BCKDHB: variants seen among roughly 807,000 people sequenced by gnomAD.
BCKDHB encodes 2-oxoisovalerate dehydrogenase subunit beta, mitochondrial.
In BCKDHB, 41 loss-of-function variants were observed where a neutral mutation model predicts 48.5. The ratio of observed to expected loss-of-function variants is 0.85; its 90% CI spans 0.66 to 1.10. The LOEUF (loss-of-function observed/expected upper bound fraction) is 1.10, where lower values mean the gene tolerates loss of function less well. BCKDHB is among the 50% of genes least tolerant of loss of function. The pLI, the probability that BCKDHB is intolerant of heterozygous loss-of-function variation, is 0.00. For missense variants in BCKDHB, 496 were observed against 494.2 expected (o/e 1.00, Z -0.03); for synonymous variants, 201 against 174.8 (o/e 1.15, Z -1.18).
At chr6:80,451,046 T>A in the BCKDHB span, among the ~76,000 whole-genome samples, 2 of 152,146 alleles carry the variant, frequency 1.3e-5, no homozygotes, top group African/African-American at 2.4e-5. Context: ...TTTAGAGACT[T>A]CTTGTAGCCA....
chr6:80,158,271 A>C (rs944256086), intron 3 of BCKDHB, among the ~76,000 whole-genome samples: 1 of 152,194 alleles, frequency 6.6e-6, no homozygotes, highest in African/African-American at 2.4e-5. Flanking sequence ...TACTAAGCAC[A>C]TACATTTGTT....
At chr6:80,184,783 A>G (rs1373070401) in intron 6 of BCKDHB, among the ~76,000 whole-genome samples, 1 of 152,168 alleles carries the variant, frequency 6.6e-6, no homozygotes, top group Non-Finnish European at 1.5e-5. Flanking sequence ...CTTGGCTTGT[A>G]GGGTTTCTGC....
chr6:80,358,148 A>T, the BCKDHB span, among the ~76,000 whole-genome samples: 11 of 151,416 alleles, frequency 7.3e-5, no homozygotes, highest in African/African-American at 2.7e-4. Context: ...ACTTTTTGGG[A>T]TATTTCCTTA....
the BCKDHB span, among the ~76,000 whole-genome samples, chr6:80,428,443 C>T: frequency 6.6e-6 from 1 of 152,144 alleles, no homozygotes; most frequent in Non-Finnish European, 1.5e-5. Context: ...TGAGGAGTTG[C>T]CATGCTGTCT....
intron 6 of BCKDHB, among the ~76,000 whole-genome samples, chr6:80,197,183 C>G (rs1205230368): frequency 6.6e-6 from 1 of 152,130 alleles, no homozygotes; most frequent in Non-Finnish European, 1.5e-5. Flanking sequence ...GGTAGGAATG[C>G]AACAAAGCTA....
chr6:80,267,459 G>A (rs1056021990), intron 8 of BCKDHB, among the ~76,000 whole-genome samples: 4 of 152,040 alleles, frequency 2.6e-5, no homozygotes, highest in African/African-American at 7.2e-5. Context: ...AGCTGGTTGC[G>A]GGGACCAGGG....
intron 3 of BCKDHB, among the ~76,000 whole-genome samples, chr6:80,149,710 C>T (rs542788395): frequency 0.031 from 4,611 of 150,832 alleles, 247 homozygotes; most frequent in African/African-American, 0.11. Context: ...TCATCATTCT[C>T]AGTAAACTAT....
chr6:80,279,391 A>G (rs867992176), intron 9 of BCKDHB, among the ~76,000 whole-genome samples: 15 of 152,136 alleles, frequency 9.9e-5, no homozygotes, highest in African/African-American at 3.6e-4. Flanking sequence ...CCTGACCTCA[A>G]GTGATCCTCC....
chr6:80,205,794 GTGTGTGTGT>G (rs1774620402), intron 8 of BCKDHB, among the ~76,000 whole-genome samples: 1 of 107,092 alleles, frequency 9.3e-6, no homozygotes, highest in African/African-American at 3.5e-5. Context: ...TGCCATGGGT[GTGTGTGTGT>G]GTGTGTGTGT....
chr6:80,265,769 T>C (rs1035685351), intron 8 of BCKDHB, among the ~76,000 whole-genome samples: 1 of 152,088 alleles, frequency 6.6e-6, no homozygotes, highest in Non-Finnish European at 1.5e-5. Flanking sequence ...TGGAACAATA[T>C]AATAGGTATT....
chr6:80,443,115 C>A, the BCKDHB span, among the ~76,000 whole-genome samples: 1 of 152,052 alleles, frequency 6.6e-6, no homozygotes, highest in Non-Finnish European at 1.5e-5. Context: ...CTGTCAAGGC[C>A]ATCATATGGC....
chr6:80,161,414 C>G (rs1373998165), intron 3 of BCKDHB, among the ~76,000 whole-genome samples: 2 of 151,902 alleles, frequency 1.3e-5, no homozygotes, highest in East Asian at 3.8e-4. Context: ...TAGAAAAAGA[C>G]AATCCAGTTG....
At chr6:80,416,052 A>G in the BCKDHB span, among the ~76,000 whole-genome samples, 8 of 151,362 alleles carry the variant, frequency 5.3e-5, no homozygotes, top group Middle Eastern at 3.2e-3. Flanking sequence ...TTTACAGTTT[A>G]TCTGCGTAGA....
intron 9 of BCKDHB, among the ~76,000 whole-genome samples, chr6:80,273,512 G>T (rs1170832095): frequency 2.6e-5 from 4 of 151,902 alleles, no homozygotes; most frequent in African/African-American, 9.7e-5. Context: ...AATTAACTTT[G>T]CTTGTATTTG....
In BCKDHB at chr6:80,127,449, T is replaced by A. The variant is rs2052713958; in HGVS notation, c.197-98T>A. ...GCAATTTGCATAATATCTTTCTTTGTACCTTGATTTTAGTCAAGTTGTAAT... is the reference window on the plus strand; with the variant it reads ...GCAATTTGCATAATATCTTTCTTTGAACCTTGATTTTAGTCAAGTTGTAAT... On this transcript the variant is annotated intron_variant, in intron 1 of 9. Coordinates refer to ENST00000320393, the MANE Select transcript of BCKDHB (RefSeq NM_183050.4). 5 of 952,608 alleles carry A rather than the reference T, an allele frequency of 5.2e-6. No homozygotes were observed. In the African/African-American group the frequency reaches 6.4e-5, roughly 12 times the overall value. The allele number at this position is 952,608 out of a possible 1,614,324, so 59.0% of individuals were successfully genotyped here.
intron 8 of BCKDHB, among the ~76,000 whole-genome samples, chr6:80,255,004 T>C (rs1038566742): frequency 1.3e-5 from 2 of 152,224 alleles, no homozygotes; most frequent in Non-Finnish European, 2.9e-5. Context: ...AACAACAGCT[T>C]CATTGTTAGA....
intron 1 of BCKDHB, among the ~76,000 whole-genome samples, chr6:80,114,808 G>C (rs967962334): frequency 3.3e-5 from 5 of 152,188 alleles, no homozygotes; most frequent in Admixed American, 1.3e-4. Context: ...GAGTTCAGAG[G>C]AGAGGCCTGG....
At chr6:80,144,561 C>T (rs973493375) in intron 3 of BCKDHB, among the ~76,000 whole-genome samples, 1 of 152,106 alleles carries the variant, frequency 6.6e-6, no homozygotes, top group Admixed American at 6.6e-5. Context: ...GAACTTCCAA[C>T]CTACCCAGCC....
At chr6:80,459,120 C>G in the BCKDHB span, among the ~76,000 whole-genome samples, 2 of 152,138 alleles carry the variant, frequency 1.3e-5, no homozygotes, top group Non-Finnish European at 2.9e-5. Flanking sequence ...CCAGTGATCT[C>G]ACTTCTGGGT....
Sources: gnomAD v4.1 joint callset for allele counts (sites outside exome capture counted in the v4.1 genomes callset) on GRCh38, gnomAD v4.1.1 for gene constraint, MANE v1.5 for transcripts, NCBI Gene and HGNC (gene_info 2026-07-23, HGNC 2026-07-21) for gene names.